The following CAMKMT variants were observed in gnomAD, a reference collection of about 807,000 sequenced individuals.
CAMKMT encodes CaM KMT.
CAMKMT carries 53 observed loss-of-function variants against 48.0 expected under a neutral mutation model. The ratio of observed to expected loss-of-function variants is 1.10; its 90% CI spans 0.89 to 1.39. The LOEUF is 1.39. CAMKMT is among the 40% of genes most tolerant of loss of function. The probability of loss-of-function intolerance (pLI) is 0.00; values close to 1 mark genes in which losing one functional copy is unlikely to be tolerated. For missense variants in CAMKMT, 428 were observed against 402.7 expected (o/e 1.06, Z -0.54); for synonymous variants, 165 against 152.3 (o/e 1.08, Z -0.61).
chr2:44,513,427 A>C (rs956739740), intron 3 of CAMKMT, among the ~76,000 whole-genome samples: 3 of 152,198 alleles, frequency 2.0e-5, no homozygotes, highest in African/African-American at 7.2e-5. Context: ...TTGCTATTCC[A>C]TTGCATCAGC....
intron 2 of CAMKMT, among the ~76,000 whole-genome samples, chr2:44,387,692 C>T (rs1429729462): frequency 6.6e-6 from 1 of 151,574 alleles, no homozygotes; most frequent in Admixed American, 6.6e-5. Context: ...ATATTTAGAG[C>T]TCTTTTTAGC....
At chr2:44,740,711 C>T (rs1188620084) in intron 7 of CAMKMT, among the ~76,000 whole-genome samples, 1 of 152,038 alleles carries the variant, frequency 6.6e-6, no homozygotes, top group Non-Finnish European at 1.5e-5. Flanking sequence ...ATGGACCAGG[C>T]AGAGAGCTGG....
At chr2:44,475,088 A>G (rs568060481) in intron 3 of CAMKMT, among the ~76,000 whole-genome samples, 5 of 152,308 alleles carry the variant, frequency 3.3e-5, no homozygotes, top group South Asian at 4.1e-4. Context: ...TAATCCTTCT[A>G]TAGCATGTGG....
intron 6 of CAMKMT, among the ~76,000 whole-genome samples, chr2:44,714,042 A>G (rs910863116): frequency 6.6e-6 from 1 of 152,222 alleles, no homozygotes; most frequent in Non-Finnish European, 1.5e-5. Context: ...GCTTCTTACC[A>G]TGACACATAG....
intron 3 of CAMKMT, among the ~76,000 whole-genome samples, chr2:44,633,257 G>T (rs1672941849): frequency 6.6e-6 from 1 of 152,020 alleles, no homozygotes; most frequent in Admixed American, 6.6e-5. Context: ...GTGCCTTAAT[G>T]TTATTTTCTT....
At chr2:44,399,868 G>A (rs542797935) in intron 3 of CAMKMT, among the ~76,000 whole-genome samples, 5 of 152,218 alleles carry the variant, frequency 3.3e-5, no homozygotes, top group Admixed American at 6.5e-5. Context: ...TCCAGTGGTC[G>A]CAGTTGTTCT....
intron 3 of CAMKMT, among the ~76,000 whole-genome samples, chr2:44,459,761 A>G (rs1377608946): frequency 6.6e-6 from 1 of 152,194 alleles, no homozygotes. Flanking sequence ...CAAAGTGCCA[A>G]AAGTTCAGGG....
Position 44,610,252 on chromosome 2 carries a change from A to C in CAMKMT, c.377-94031A>C, listed in dbSNP as rs529438371. ...TTGGTTCCATGAGAGCTTATAGTCT[A>C]TTAATAGTTGAAGAGAAAGGCATAT... On this transcript the variant is annotated intron_variant, in intron 3 of 10. Coordinates refer to ENST00000378494, the MANE Select transcript of CAMKMT (RefSeq NM_024766.5). 2.5e-4 allele frequency among the ~76,000 whole-genome samples: 38 copies of C among 152,332 alleles called. No homozygotes were observed. In the South Asian group the frequency reaches 7.7e-3, roughly 31 times the overall value.
In CAMKMT at chr2:44,657,520, T is replaced by C. The variant is rs1415110707; in HGVS notation, c.377-46763T>C. 6.6e-6 allele frequency among the ~76,000 whole-genome samples: 1 copy of C among 152,196 alleles called. No individual in the cohort carries two copies. The highest frequency in any genetic ancestry group is 1.5e-5 in the Non-Finnish European group (1 of 68,038). On this transcript the variant is annotated intron_variant, in intron 3 of 10. Transcript: ENST00000378494. This position sits in a 1 kb window ranked among gnomAD's most constrained non-coding sequence, Gnocchi z 4.3. Reference sequence around the variant, plus strand: ...CCAAGGTCATGCCTTCCATGCTTTATGGTATGTAAGTTTGGAATTAAACTA... The same window carrying C: ...CCAAGGTCATGCCTTCCATGCTTTACGGTATGTAAGTTTGGAATTAAACTA...
intron 3 of CAMKMT, among the ~76,000 whole-genome samples, chr2:44,693,701 G>T (rs1676783085): frequency 6.6e-6 from 1 of 152,232 alleles, no homozygotes; most frequent in South Asian, 2.1e-4. Flanking sequence ...AAGCAGAAAT[G>T]TGAGTTGGAT....
intron 7 of CAMKMT, among the ~76,000 whole-genome samples, chr2:44,726,600 T>A (rs1014462937): frequency 1.3e-5 from 2 of 152,232 alleles, no homozygotes; most frequent in Non-Finnish European, 2.9e-5. Flanking sequence ...TTTCTTTTGA[T>A]ATACAGAAGC....
intron 3 of CAMKMT, among the ~76,000 whole-genome samples, chr2:44,572,184 C>G (rs185795054): frequency 6.6e-6 from 1 of 152,258 alleles, no homozygotes; most frequent in Non-Finnish European, 1.5e-5. Flanking sequence ...CACCATTCTA[C>G]TTTTGTCTCT....
chr2:44,621,422 T>C (rs1395870480), intron 3 of CAMKMT, among the ~76,000 whole-genome samples: 3 of 151,884 alleles, frequency 2.0e-5, no homozygotes, highest in African/African-American at 4.8e-5. Context: ...AAGAAAGGGA[T>C]GGGGGAGGCT....
At chr2:44,717,601 T>C (rs967069264) in intron 7 of CAMKMT, among the ~76,000 whole-genome samples, 2 of 152,056 alleles carry the variant, frequency 1.3e-5, no homozygotes, top group South Asian at 4.1e-4. Context: ...TCAGTGCATA[T>C]GCAGAATTTC....
intron 9 of CAMKMT, among the ~76,000 whole-genome samples, chr2:44,760,912 C>T (rs1029286145): frequency 2.6e-5 from 4 of 152,148 alleles, no homozygotes; most frequent in Admixed American, 6.5e-5. Context: ...ATTCACTGAG[C>T]GTTCCACTCA....
chr2:44,404,249 A>T (rs1226186796), intron 3 of CAMKMT, among the ~76,000 whole-genome samples: 1 of 152,158 alleles, frequency 6.6e-6, no homozygotes, highest in East Asian at 1.9e-4. Context: ...AATATTCACT[A>T]TACAAAATAA....
chr2:44,756,349 G>A (rs1405541189), intron 9 of CAMKMT, among the ~76,000 whole-genome samples: 1 of 152,158 alleles, frequency 6.6e-6, no homozygotes, highest in African/African-American at 2.4e-5. Context: ...AATGGTCAAG[G>A]TTTTATTTCA....
intron 3 of CAMKMT, among the ~76,000 whole-genome samples, chr2:44,596,775 C>G (rs1333209926): frequency 6.6e-6 from 1 of 152,010 alleles, no homozygotes; most frequent in African/African-American, 2.4e-5. Flanking sequence ...CGAGAAAATC[C>G]CAGGCAAAAA....
chr2:44,468,566 A>G (rs1161321373), intron 3 of CAMKMT, among the ~76,000 whole-genome samples: 1 of 152,206 alleles, frequency 6.6e-6, no homozygotes, highest in African/African-American at 2.4e-5. Flanking sequence ...TTATTGCAGC[A>G]CTGTTCATAG....
Sources: gnomAD v4.1 joint callset for allele counts (sites outside exome capture counted in the v4.1 genomes callset) on GRCh38, gnomAD v4.1.1 for gene constraint, Gnocchi (gnomAD v3.1) non-coding constraint, MANE v1.5 for transcripts, NCBI Gene and HGNC (gene_info 2026-07-23, HGNC 2026-07-21) for gene names.